PCCA: variants seen among roughly 807,000 people sequenced by gnomAD.
PCCA encodes the protein propionyl-CoA carboxylase subunit alpha.
PCCA carries 74 observed loss-of-function variants against 101.3 expected under a neutral mutation model. The ratio of observed to expected loss-of-function variants is 0.73; its 90% confidence interval spans 0.61 to 0.89. The LOEUF (loss-of-function observed/expected upper bound fraction) is 0.89. PCCA is among the 40% of genes least tolerant of loss of function. The pLI, the probability that PCCA is intolerant of heterozygous loss-of-function variation, is 0.00. For synonymous variants in PCCA, 294 were observed against 313.6 expected, an observed-to-expected ratio of 0.94 and a Z score of 0.66; for missense variants, 891 against 907.0, an observed-to-expected ratio of 0.98 and a Z score of 0.23.
In PCCA at chr13:100,498,713, T is replaced by C. The variant is rs1369206113; in HGVS notation, c.1900-16714T>C. Among the ~76,000 whole-genome samples the C allele has an allele frequency of 2.0e-5, 3 of 152,126 alleles. No individual in the cohort carries two copies. In the East Asian group the frequency reaches 5.8e-4, roughly 29 times the overall value. On this transcript the variant is annotated intron_variant, in intron 21 of 23. Transcript: ENST00000376285. ...ACTGTTTGCGTGTGACTTCTTCCAC[T>C]CAGTATAACACTTCTGAGGTTCATC...
intron 17 of PCCA, among the ~76,000 whole-genome samples, chr13:100,335,103 G>T (rs1389154555): frequency 2.6e-5 from 4 of 152,170 alleles, no homozygotes; most frequent in African/African-American, 9.7e-5. Flanking sequence ...ACATAGGAAA[G>T]AATTTGACTC....
intron 21 of PCCA, among the ~76,000 whole-genome samples, chr13:100,463,169 GC>G (rs1328329299): frequency 6.6e-6 from 1 of 152,062 alleles, no homozygotes; most frequent in Non-Finnish European, 1.5e-5. Flanking sequence ...AGGGTGATGG[GC>G]AGGGCAACAA....
intron 20 of PCCA, among the ~76,000 whole-genome samples, chr13:100,439,512 TTTTTA>T (rs1449759774): frequency 6.6e-6 from 1 of 152,120 alleles, no homozygotes; most frequent in African/African-American, 2.4e-5. Context: ...GAATAGAAGT[TTTTTA>T]TTTTATTTTA....
intron 21 of PCCA, among the ~76,000 whole-genome samples, chr13:100,510,161 G>T (rs2086372850): frequency 6.6e-6 from 1 of 152,186 alleles, no homozygotes; most frequent in Admixed American, 6.5e-5. Flanking sequence ...TGCTGTATAT[G>T]AAGAAATCCT....
chr13:100,447,040 CTTTA>C (rs2080881030), intron 20 of PCCA, among the ~76,000 whole-genome samples: 1 of 152,166 alleles, frequency 6.6e-6, no homozygotes. Flanking sequence ...ATTTGTTCAG[CTTTA>C]TTTTTCTGCC....
chr13:100,520,553 T>A (rs1005930895), intron 22 of PCCA, among the ~76,000 whole-genome samples: 1 of 141,046 alleles, frequency 7.1e-6, no homozygotes, highest in Non-Finnish European at 1.5e-5. Flanking sequence ...GAGAATGGCG[T>A]GAACCCGGAA....
chr13:100,311,859 T>C (rs975923360), intron 16 of PCCA, among the ~76,000 whole-genome samples: 1 of 152,186 alleles, frequency 6.6e-6, no homozygotes, highest in South Asian at 2.1e-4. Context: ...ATAAACAATA[T>C]TGAAAGACCG....
At chr13:100,434,392 C>A (rs767282) in intron 20 of PCCA, among the ~76,000 whole-genome samples, 1 of 151,784 alleles carries the variant, frequency 6.6e-6, no homozygotes, top group African/African-American at 2.4e-5. Context: ...TTTTCTACTT[C>A]AGAGCTGCTA....
chr13:100,453,834 GGA>G (rs1186264075), intron 21 of PCCA, among the ~76,000 whole-genome samples: 7 of 25,662 alleles, frequency 2.7e-4, no homozygotes, highest in Non-Finnish European at 3.7e-4. Context: ...CGGAAAAAAG[GGA>G]AAAAAAGAAT....
chr13:100,502,692 TAAG>T (rs902243619), intron 21 of PCCA, among the ~76,000 whole-genome samples: 5 of 152,198 alleles, frequency 3.3e-5, no homozygotes, highest in African/African-American at 1.2e-4. Context: ...TTTACAAAGT[TAAG>T]AGAGCTTTCT....
intron 8 of PCCA, among the ~76,000 whole-genome samples, chr13:100,246,919 T>A (rs987988242): frequency 7.3e-5 from 11 of 150,566 alleles, no homozygotes; most frequent in Admixed American, 1.3e-4. Context: ...TTTTTTTTTT[T>A]AATTAAGACA....
intron 12 of PCCA, among the ~76,000 whole-genome samples, chr13:100,282,041 T>A (rs980463881): frequency 2.0e-5 from 3 of 152,258 alleles, no homozygotes; most frequent in African/African-American, 7.2e-5. Flanking sequence ...AAATGGTATA[T>A]TGTTTTCATT....
chr13:100,235,264 T>A, intron 7 of PCCA, among the ~76,000 whole-genome samples: 2 of 128,482 alleles, frequency 1.6e-5, no homozygotes. Flanking sequence ...ATTGTAGAGA[T>A]AAAATATGTA....
At chr13:100,352,399 CTT>C (rs67318662) in intron 18 of PCCA, among the ~76,000 whole-genome samples, 153 of 134,494 alleles carry the variant, frequency 1.1e-3, no homozygotes, top group Non-Finnish European at 1.3e-3. Flanking sequence ...ACAAAATAGC[CTT>C]TTTTTTTTTT....
intron 21 of PCCA, 127 bp from the exon 22 acceptor site, chr13:100,515,300 C>A: frequency 1.2e-6 from 1 of 810,594 alleles, no homozygotes; most frequent in Non-Finnish European, 2.1e-6. Flanking sequence ...CAATTGAGAA[C>A]CATTTGAATT....
rs139749670 is a variant in PCCA, at chr13:100,226,043, G to C, written c.601-9799G>C. 1.8e-3 allele frequency among the ~76,000 whole-genome samples: 272 copies of C among 152,154 alleles called. 2 individuals are homozygous for C. The highest frequency in any genetic ancestry group is 6.3e-3 in the African/African-American group (260 of 41,516). ...CTGGTCTCAAGTGATCCACCTTCAC[G>C]ACCTCCCAAAGTGCTGGAATTGCAG... On this transcript the variant is annotated intron_variant, in intron 7 of 23. Coordinates refer to ENST00000376285, the MANE Select transcript of PCCA (RefSeq NM_000282.4).
chr13:100,449,226 T>C (rs1276995453), intron 20 of PCCA, 26 bp from the exon 21 acceptor site: 1 of 1,484,116 alleles, frequency 6.7e-7, no homozygotes, highest in Non-Finnish European at 9.2e-7. Flanking sequence ...TATGAGTTCA[T>C]TTTATATCTC....
rs1327133849 is a variant in PCCA at position 100,514,294 on chromosome 13, C to A, written c.1900-1133C>A. On this transcript the variant is annotated intron_variant, in intron 21 of 23. Coordinates refer to ENST00000376285, the MANE Select transcript of PCCA (RefSeq NM_000282.4). ...ACTTAGGCCATCAAAGCTCTGCCCCCACCCTTTTCAGTAGGCCCTGTGAAG... is the reference window on the plus strand; with the variant it reads ...ACTTAGGCCATCAAAGCTCTGCCCCAACCCTTTTCAGTAGGCCCTGTGAAG... Among the ~76,000 whole-genome samples the A allele has an allele frequency of 2.0e-5, 3 of 152,170 alleles. No homozygotes were observed. In the East Asian group the frequency reaches 5.8e-4, roughly 29 times the overall value.
At chr13:100,155,694 T>A (rs1182706388) in intron 5 of PCCA, among the ~76,000 whole-genome samples, 2 of 152,228 alleles carry the variant, frequency 1.3e-5, no homozygotes, top group African/African-American at 2.4e-5. Context: ...TTTTCTTTTT[T>A]TAATTATCAG....
Sources: gnomAD v4.1 joint callset for allele counts (sites outside exome capture counted in the v4.1 genomes callset) on GRCh38, gnomAD v4.1.1 for gene constraint, MANE v1.5 for transcripts, NCBI Gene and HGNC (gene_info 2026-07-23, HGNC 2026-07-21) for gene names.